PTPRH: variants seen among roughly 807,000 people sequenced by gnomAD.
The protein encoded by PTPRH is receptor-type tyrosine-protein phosphatase H.
A neutral mutation model predicts 130.2 loss-of-function variants in PTPRH; 113 were observed. That is an observed-to-expected ratio of 0.87 (90% CI 0.75 to 1.01). The LOEUF (loss-of-function observed/expected upper bound fraction) is 1.01. Ranked by LOEUF, PTPRH falls within the 50% of genes least tolerant of loss-of-function variation. The probability of loss-of-function intolerance (pLI) is 0.00; values close to 1 mark genes in which losing one functional copy is unlikely to be tolerated. For synonymous variants in PTPRH, 556 were observed against 577.9 expected, an observed-to-expected ratio of 0.96 and a Z score of 0.54; for missense variants, 1,430 against 1,425.0, an observed-to-expected ratio of 1.00 and a Z score of -0.06.
intron 5 of PTPRH, among the ~76,000 whole-genome samples, chr19:55,203,564 C>G (rs112389092): frequency 2.7e-3 from 407 of 150,914 alleles, no homozygotes; most frequent in African/African-American, 9.4e-3. Context: ...CACGGGAACA[C>G]GCCACCACAG....
At chr19:55,185,120 G>A (rs910087123) in intron 18 of PTPRH, among the ~76,000 whole-genome samples, 4 of 151,636 alleles carry the variant, frequency 2.6e-5, no homozygotes, top group African/African-American at 9.7e-5. Flanking sequence ...TCAGCCTCCT[G>A]AGTAGCTGGG....
intron 3 of PTPRH, 54 bp downstream of exon 3, chr19:55,206,635 C>A: frequency 6.6e-7 from 1 of 1,506,368 alleles, no homozygotes; most frequent in Admixed American, 2.0e-5. Flanking sequence ...CTCAACCACC[C>A]CCTACCACTG....
intron 4 of PTPRH, among the ~76,000 whole-genome samples, 185 bp from the exon 5 acceptor site, chr19:55,204,233 C>A (rs1234304293): frequency 6.6e-6 from 1 of 152,166 alleles, no homozygotes; most frequent in Admixed American, 6.5e-5. Context: ...GATTCTCCTG[C>A]CTCAGCCTCC....
At chr19:55,188,936 C>T (rs755759228) in intron 12 of PTPRH, among the ~76,000 whole-genome samples, 2 of 152,180 alleles carry the variant, frequency 1.3e-5, no homozygotes, top group South Asian at 2.1e-4. Context: ...TCTTGCTGGA[C>T]GCACACTTCT....
Position 55,209,002 on chromosome 19 carries a change from C to T in PTPRH, c.51+381G>A, listed in dbSNP as rs1372221501. On this transcript the variant is annotated intron_variant, in intron 1 of 19. Coordinates refer to ENST00000376350, the MANE Select transcript of PTPRH (RefSeq NM_002842.5). This position sits in a 1 kb window ranked among gnomAD's most constrained non-coding sequence, Gnocchi z 4.1. ...ACTCCTGGGTCTGAGGGAGGAGGGGCTGGGGTCTGGACTCTTGGTTTGAGG... is the reference window on the plus strand; with the variant it reads ...ACTCCTGGGTCTGAGGGAGGAGGGGTTGGGGTCTGGACTCTTGGTTTGAGG... 2.1e-5 allele frequency among the ~76,000 whole-genome samples: 3 copies of T among 139,756 alleles called. No individual in the cohort carries two copies. The highest frequency in any genetic ancestry group is 7.1e-5 in the Admixed American group (1 of 14,002). 91.7% of individuals were successfully genotyped at this position (139,756 alleles called of 152,430 possible).
intron 10 of PTPRH, 56 bp downstream of exon 10, chr19:55,196,466 G>C: frequency 6.4e-7 from 1 of 1,563,134 alleles, no homozygotes; most frequent in Non-Finnish European, 8.7e-7. Flanking sequence ...AATGGGGCCT[G>C]ATGGGGTCTA....
chr19:55,194,696 TA>T (rs1002464662), intron 10 of PTPRH, among the ~76,000 whole-genome samples: 1 of 151,902 alleles, frequency 6.6e-6, no homozygotes, highest in African/African-American at 2.4e-5. Context: ...TTAGGAAAAA[TA>T]AAACCCGGGG....
intron 7 of PTPRH, 73 bp from the exon 8 acceptor site, chr19:55,198,985 T>A: frequency 7.3e-7 from 1 of 1,360,934 alleles, no homozygotes; most frequent in Non-Finnish European, 9.6e-7. Flanking sequence ...TGATACGCCC[T>A]GTCCTTGTGC....
At chr19:55,203,176 A>C (rs2086923709) in intron 5 of PTPRH, among the ~76,000 whole-genome samples, 1 of 150,764 alleles carries the variant, frequency 6.6e-6, no homozygotes, top group Non-Finnish European at 1.5e-5. Context: ...AAATACAAAA[A>C]ATTAGCCAGG....
Position 55,197,217 on chromosome 19 carries a change from G to C in PTPRH, c.1890C>G (p.Tyr630Ter). Residue 630 changes from tyrosine (Y) to a stop codon, truncating the protein, a stop_gained, in exon 9 of 20, where the codon TAC becomes TAG. Transcript: ENST00000376350. LOFTEE classifies it high-confidence loss of function. ...TCCCGGGTTCCAGGGCCTCCACTTT[G>C]TACCACGTCTCATTGGTCCTGCTGG... ...NQTSRTNETW[Y>*]KVEALEPGTL... 1 of 1,614,254 alleles carries C rather than the reference G, an allele frequency of 6.2e-7. No homozygotes were observed. Among genetic ancestry groups the C allele is most frequent in the South Asian group, 1.1e-5 (1 of 91,086 alleles).
intron 12 of PTPRH, among the ~76,000 whole-genome samples, chr19:55,190,122 G>A (rs2086481215): frequency 6.6e-6 from 1 of 151,736 alleles, no homozygotes; most frequent in Non-Finnish European, 1.5e-5. Flanking sequence ...GGTAATCCCA[G>A]CACTCTGGGA....
chr19:55,203,169 T>C (rs1000391131), intron 5 of PTPRH, among the ~76,000 whole-genome samples: 3 of 146,948 alleles, frequency 2.0e-5, no homozygotes, highest in Non-Finnish European at 3.0e-5. Flanking sequence ...CTACTAAAAA[T>C]ACAAAAAATT....
chr19:55,203,743 T>C (rs780993979), intron 5 of PTPRH, 39 bp downstream of exon 5: 1 of 1,572,072 alleles, frequency 6.4e-7, no homozygotes, highest in Non-Finnish European at 8.7e-7. Context: ...CCACTGTCCT[T>C]ATAAAAGAAA....
intron 18 of PTPRH, among the ~76,000 whole-genome samples, chr19:55,185,272 G>A (rs1473986888): frequency 6.6e-6 from 1 of 152,086 alleles, no homozygotes; most frequent in Non-Finnish European, 1.5e-5. Flanking sequence ...GGATTTACAG[G>A]CATGAGCCAC....
Position 55,209,281 on chromosome 19 carries a change from AG to A in PTPRH, c.51+101del. ...CCTCTTCCTTCTCCAGGGGATCTTC[AG>A]CACCTACTTCCTCAAGATCGAGGTG... On this transcript the variant is annotated intron_variant, in intron 1 of 19. Transcript: ENST00000376350. This position sits in a 1 kb window ranked among gnomAD's most constrained non-coding sequence, Gnocchi z 4.1. 1 of 1,005,258 alleles carries A rather than the reference AG, an allele frequency of 9.9e-7. No homozygotes were observed. Among genetic ancestry groups the A allele is most frequent in the East Asian group, 2.6e-5 (1 of 38,520 alleles). 62.3% of individuals were successfully genotyped at this position (1,005,258 alleles called of 1,614,324 possible).
At chr19:55,207,221 C>CG in intron 1 of PTPRH, 22 bp from the exon 2 acceptor site, 1 of 1,611,412 alleles carries the variant, frequency 6.2e-7, no homozygotes, top group African/African-American at 1.3e-5. Flanking sequence ...CCAGAGAAAA[C>CG]GGAGTCAGCC....
intron 12 of PTPRH, among the ~76,000 whole-genome samples, chr19:55,190,570 TATA>T (rs1173329299): frequency 1.8e-5 from 2 of 108,374 alleles, no homozygotes; most frequent in East Asian, 2.0e-4. Context: ...ATATATAACA[TATA>T]ATATATTATA....
chr19:55,191,626 C>T, intron 11 of PTPRH, 37 bp downstream of exon 11: 1 of 1,612,508 alleles, frequency 6.2e-7, no homozygotes, highest in Non-Finnish European at 8.5e-7. Flanking sequence ...TCTCCAGCCC[C>T]CACCCTCCAG....
At chr19:55,183,380 G>A (rs1210056360) in intron 18 of PTPRH, among the ~76,000 whole-genome samples, 1 of 151,092 alleles carries the variant, frequency 6.6e-6, no homozygotes, top group Non-Finnish European at 1.5e-5. Flanking sequence ...CTCCCAGCCT[G>A]GGCGACAGAG....
Sources: gnomAD v4.1 joint callset for allele counts (sites outside exome capture counted in the v4.1 genomes callset) on GRCh38, gnomAD v4.1.1 for gene constraint, Gnocchi (gnomAD v3.1) non-coding constraint, MANE v1.5 for transcripts, NCBI Gene and HGNC (gene_info 2026-07-23, HGNC 2026-07-21) for gene names.